MAGI1: variants seen among roughly 807,000 people sequenced by gnomAD.
MAGI1 encodes the protein membrane associated guanylate kinase, WW and PDZ domain containing 1.
Under a neutral mutation model 139.9 loss-of-function variants are expected in MAGI1, and 58 were observed. That is an observed-to-expected ratio of 0.41 (90% CI 0.34 to 0.52). The LOEUF (loss-of-function observed/expected upper bound fraction) is 0.52. Ranked by LOEUF, MAGI1 falls within the 20% of genes least tolerant of loss-of-function variation. MAGI1 has a pLI of 0.12. For missense variants in MAGI1, 1,874 were observed against 1,901.6 expected (o/e 0.99, Z 0.27); for synonymous variants, 812 against 737.9 (o/e 1.10, Z -1.63).
intron 10 of MAGI1, among the ~76,000 whole-genome samples, chr3:65,435,432 T>C (rs1475816422): frequency 2.6e-5 from 4 of 151,846 alleles, no homozygotes; most frequent in Admixed American, 1.3e-4. Context: ...AAGATAATTA[T>C]GTAAGAAAGT....
intron 2 of MAGI1, among the ~76,000 whole-genome samples, chr3:65,556,243 G>A (rs1322671205): frequency 1.3e-5 from 2 of 152,190 alleles, no homozygotes; most frequent in East Asian, 3.9e-4. Flanking sequence ...AATCTCTGAT[G>A]TACTTTTCCA....
At chr3:65,866,653 T>A (rs6793201) in intron 1 of MAGI1, among the ~76,000 whole-genome samples, 1 of 151,956 alleles carries the variant, frequency 6.6e-6, no homozygotes, top group Non-Finnish European at 1.5e-5. Context: ...GGCTGACATA[T>A]GAATTCCACT....
chr3:65,580,661 G>C (rs2081375679), intron 2 of MAGI1, among the ~76,000 whole-genome samples: 1 of 152,084 alleles, frequency 6.6e-6, no homozygotes, highest in African/African-American at 2.4e-5. Flanking sequence ...CATGAATAAA[G>C]AAGTGAAGGA....
intron 1 of MAGI1, among the ~76,000 whole-genome samples, chr3:65,731,370 T>C (rs1301278238): frequency 1.3e-5 from 2 of 151,956 alleles, no homozygotes; most frequent in Non-Finnish European, 2.9e-5. Flanking sequence ...AGGAAATCTA[T>C]GACCAGGCAT....
chr3:65,433,170 T>G (rs2107360297), intron 10 of MAGI1, among the ~76,000 whole-genome samples: 1 of 152,252 alleles, frequency 6.6e-6, no homozygotes, highest in East Asian at 1.9e-4. Context: ...AAATTTCTGT[T>G]GAGTGAGAGA....
At chr3:65,644,800 C>G (rs1334209289) in intron 1 of MAGI1, among the ~76,000 whole-genome samples, 3 of 151,904 alleles carry the variant, frequency 2.0e-5, no homozygotes, top group Non-Finnish European at 4.4e-5. Context: ...AGTTCAAGAC[C>G]AGCCTGGCCA....
chr3:65,993,968 T>G (rs6445524), intron 1 of MAGI1, among the ~76,000 whole-genome samples: 117,061 of 152,012 alleles, frequency 0.77, 45,596 homozygotes, highest in East Asian at 0.96. Context: ...CCCACAGCCA[T>G]GAGACACTAA....
intron 1 of MAGI1, among the ~76,000 whole-genome samples, chr3:65,680,421 G>T (rs572359190): frequency 1.3e-4 from 20 of 152,234 alleles, no homozygotes; most frequent in Middle Eastern, 3.4e-3. Flanking sequence ...TCAATTGATT[G>T]ATGTATTAAT....
chr3:65,367,924 C>T (rs1941592636), intron 18 of MAGI1, among the ~76,000 whole-genome samples: 1 of 152,156 alleles, frequency 6.6e-6, no homozygotes, highest in African/African-American at 2.4e-5. Flanking sequence ...GCTTTGATGG[C>T]TAGATTTTAT....
At chr3:65,785,502 A>T (rs1365755182) in intron 1 of MAGI1, among the ~76,000 whole-genome samples, 1 of 152,240 alleles carries the variant, frequency 6.6e-6, no homozygotes, top group African/African-American at 2.4e-5. Flanking sequence ...ATAATGTTGC[A>T]CTGCATTCAT....
chr3:65,357,239 C>T (rs953489077), intron 22 of MAGI1, 107 bp from the exon 23 acceptor site: 6 of 1,175,806 alleles, frequency 5.1e-6, no homozygotes, highest in Non-Finnish European at 5.9e-6. Flanking sequence ...AAGCAAACAA[C>T]TGTTAAAGCA....
At chr3:65,503,757 T>C (rs2077173078) in intron 2 of MAGI1, among the ~76,000 whole-genome samples, 1 of 152,204 alleles carries the variant, frequency 6.6e-6, no homozygotes. Context: ...AAAAGTGGCC[T>C]AGACATGAGA....
intron 2 of MAGI1, among the ~76,000 whole-genome samples, chr3:65,542,510 C>T (rs2079285586): frequency 6.6e-6 from 1 of 152,158 alleles, no homozygotes; most frequent in African/African-American, 2.4e-5. Context: ...AACTATACTA[C>T]AAGGCTATAG....
chr3:65,544,213 T>C (rs1004665482), intron 2 of MAGI1, among the ~76,000 whole-genome samples: 7 of 152,188 alleles, frequency 4.6e-5, no homozygotes, highest in Non-Finnish European at 8.8e-5. Context: ...TATTTTAAAA[T>C]GCTGTATTTT....
Position 65,987,735 on chromosome 3 carries a change from A to C in MAGI1, c.313+50261T>G, listed in dbSNP as rs569125208. Among the ~76,000 whole-genome samples, 22 of 75,452 alleles carry C rather than the reference A, an allele frequency of 2.9e-4. 1 individual carries two copies. The highest frequency in any genetic ancestry group is 8.8e-4 in the African/African-American group (21 of 23,932). 49.5% of individuals were successfully genotyped at this position (75,452 alleles called of 152,430 possible). A position where few individuals can be genotyped will look rare whatever the true frequency, so the allele number is the denominator to read the frequency against. On this transcript the variant is annotated intron_variant, in intron 1 of 22. Transcript: ENST00000402939. Reference sequence around the variant, plus strand: ...CAGGTGAGTACCACCATGCCCAGCTAATTTTGCATTTTTTGTAGGGATGGG... The same window carrying C: ...CAGGTGAGTACCACCATGCCCAGCTCATTTTGCATTTTTTGTAGGGATGGG...
intron 1 of MAGI1, among the ~76,000 whole-genome samples, chr3:65,878,057 G>C (rs2060183027): frequency 6.6e-6 from 1 of 152,058 alleles, no homozygotes; most frequent in South Asian, 2.1e-4. Flanking sequence ...ACTGCAGTAA[G>C]TCATCATCAC....
chr3:65,382,173 G>GACAT, intron 15 of MAGI1, 104 bp from the exon 16 acceptor site: 2 of 964,604 alleles, frequency 2.1e-6, no homozygotes, highest in Non-Finnish European at 3.1e-6. Context: ...CATGTCTGCA[G>GACAT]GCATGCCGCA....
At chr3:65,854,156 T>C (rs2059297291) in intron 1 of MAGI1, among the ~76,000 whole-genome samples, 1 of 144,340 alleles carries the variant, frequency 6.9e-6, no homozygotes, top group Non-Finnish European at 1.5e-5. Context: ...GTAAAAATTC[T>C]AATCTTTTAT....
At chr3:65,507,629 TCTATAA>T (rs916997901) in intron 2 of MAGI1, among the ~76,000 whole-genome samples, 5 of 152,254 alleles carry the variant, frequency 3.3e-5, no homozygotes, top group African/African-American at 1.2e-4. Context: ...GCCAACGATC[TCTATAA>T]CTATAAATCA....
Sources: gnomAD v4.1 joint callset for allele counts (sites outside exome capture counted in the v4.1 genomes callset) on GRCh38, gnomAD v4.1.1 for gene constraint, MANE v1.5 for transcripts, NCBI Gene and HGNC (gene_info 2026-07-23, HGNC 2026-07-21) for gene names.